ARL16: variants seen among roughly 807,000 people sequenced by gnomAD.
ARL16 encodes the protein ARF like GTPase 16.
In ARL16, 21 loss-of-function variants were observed where a neutral mutation model predicts 14.1. That is an observed-to-expected ratio of 1.48 (90% CI 1.05 to 2.14). ARL16 has a LOEUF of 2.14. ARL16 is among the 30% of genes most tolerant of loss of function. The pLI, the probability that ARL16 is intolerant of heterozygous loss-of-function variation, is 0.00. For missense variants in ARL16, 248 were observed against 222.0 expected (o/e 1.12, Z -0.74); for synonymous variants, 122 against 91.8 (o/e 1.33, Z -1.88).
Position 81,682,029 on chromosome 17 carries a change from C to A in ARL16, c.350+5G>T. ...TGTGCTCCCTCTCAGCTCAGGGACG[C>A]GTACATTTTATTGAAGAGTATCAGC... On this transcript the variant is annotated splice_donor_5th_base_variant and intron_variant, in intron 4 of 4. Transcript: ENST00000622299. The A allele has an allele frequency of 6.2e-7, 1 of 1,604,480 alleles. No individual in the cohort carries two copies. Among genetic ancestry groups the A allele is most frequent in the Non-Finnish European group, 8.5e-7 (1 of 1,174,678 alleles).
Position 81,682,635 on chromosome 17 carries a change from T to C in ARL16, c.234+378A>G, listed in dbSNP as rs2036871613. 4 of 232,382 alleles carry C rather than the reference T, an allele frequency of 1.7e-5. No individual in the cohort carries two copies. The Admixed American group carries it at 2.1e-4, about 12-fold the overall frequency. 14.4% of individuals were successfully genotyped at this position (232,382 alleles called of 1,614,324 possible). On this transcript the variant is annotated intron_variant, in intron 3 of 4. Coordinates refer to ENST00000622299, the MANE Select transcript of ARL16 (RefSeq NM_001040025.3). ...CTGGTGTCACTCGTCTCTGTCCTCATGTGGCCATCAGTTCTCCATACTGGT... is the reference window on the plus strand; with the variant it reads ...CTGGTGTCACTCGTCTCTGTCCTCACGTGGCCATCAGTTCTCCATACTGGT...
At chr17:81,683,619 C>G (rs368288274) in intron 1 of ARL16, 25 bp from the exon 2 acceptor site, 2 of 1,594,744 alleles carry the variant, frequency 1.3e-6, no homozygotes, top group Non-Finnish European at 1.7e-6. Flanking sequence ...AGGACCCGAG[C>G]AGCTAAAGGG....
At chr17:81,682,388 A>G in intron 3 of ARL16, 2 of 327,430 alleles carry the variant, frequency 6.1e-6, no homozygotes, top group Non-Finnish European at 1.1e-5. Flanking sequence ...GACTACAGAC[A>G]CCCGCCACCA....
intron 3 of ARL16, 74 bp downstream of exon 3, chr17:81,682,939 A>C (rs1186772657): frequency 6.8e-6 from 9 of 1,323,182 alleles, no homozygotes; most frequent in Non-Finnish European, 9.8e-6. Flanking sequence ...TACACACAGC[A>C]AGGTTGGGGA....
intron 2 of ARL16, 70 bp downstream of exon 2, chr17:81,683,466 G>A (rs948535865): frequency 4.8e-6 from 7 of 1,454,766 alleles, no homozygotes; most frequent in South Asian, 1.4e-5. Context: ...TGCACTTAGA[G>A]GAGCCCGGAG....
At chr17:81,681,933 G>C in intron 4 of ARL16, 54 bp from the exon 5 acceptor site, 1 of 1,574,260 alleles carries the variant, frequency 6.4e-7, no homozygotes, top group Non-Finnish European at 8.6e-7. Context: ...ACCTGCCCCG[G>C]ACCCCCAGCT....
Position 81,681,714 on chromosome 17 carries a change from G to A in ARL16, c.516C>T (p.Asn172=), listed in dbSNP as rs1284124154. 1 of 1,603,260 alleles carries A rather than the reference G, an allele frequency of 6.2e-7. No homozygotes were observed. Among genetic ancestry groups the A allele is most frequent in the South Asian group, 1.1e-5 (1 of 89,600 alleles). The change falls in exon 5 of 5, where the codon AAC becomes AAT. Residue 172 remains asparagine, a synonymous_variant. Transcript: ENST00000622299. Reference sequence around the variant, plus strand: ...CTGCGCCTCTGCCGTGCAGTCAATCGTTGGCTCTGTGGGTGGCCTGGAGCC... The same window carrying A: ...CTGCGCCTCTGCCGTGCAGTCAATCATTGGCTCTGTGGGTGGCCTGGAGCC... ...LAWLQATHRA[N]D is the part of the protein sequence containing the mutation.
At chr17:81,683,384 T>C in intron 2 of ARL16, 152 bp downstream of exon 2, 1 of 1,110,852 alleles carries the variant, frequency 9.0e-7, no homozygotes. Flanking sequence ...GCGCCAATTA[T>C]CCTCAGCTCG....
At chr17:81,682,707 A>G (rs1168847148) in intron 3 of ARL16, 2 of 399,502 alleles carry the variant, frequency 5.0e-6, no homozygotes, top group South Asian at 3.2e-5. Context: ...AGAGGTACGT[A>G]TAAGTCCAAC....
intron 3 of ARL16, 105 bp downstream of exon 3, chr17:81,682,908 T>C: frequency 9.7e-7 from 1 of 1,032,614 alleles, no homozygotes; most frequent in East Asian, 2.4e-5. Flanking sequence ...GTATAGTCAC[T>C]AAATAACCCA....
In ARL16 at chr17:81,683,755, C is replaced by G. The variant is rs746956311; in HGVS notation, c.-2G>C. On this transcript the variant is annotated 5_prime_UTR_variant, in exon 1 of 5. Transcript: ENST00000622299. Reference sequence around the variant, plus strand: ...CGTGGCCCCCAGCAGGAGACACATTCCGTGCTTCGCTCCACCCGGCACCCG... The same window carrying G: ...CGTGGCCCCCAGCAGGAGACACATTGCGTGCTTCGCTCCACCCGGCACCCG... 3.1e-6 allele frequency: 5 copies of G among 1,607,628 alleles called. No individual in the cohort carries two copies. The East Asian group carries it at 6.7e-5, about 22-fold the overall frequency.
rs371566122 is a variant in ARL16 at position 81,681,715 on chromosome 17, T to C, written c.515A>G (p.Asn172Ser). ...LAWLQATHRAND is the reference protein window; with the variant it reads ...LAWLQATHRASD Reference sequence around the variant, plus strand: ...TGCGCCTCTGCCGTGCAGTCAATCGTTGGCTCTGTGGGTGGCCTGGAGCCA... The same window carrying C: ...TGCGCCTCTGCCGTGCAGTCAATCGCTGGCTCTGTGGGTGGCCTGGAGCCA... Residue 172 changes from asparagine (N) to serine (S), a missense_variant, in exon 5 of 5, where the codon AAC becomes AGC. Asn to Ser is a conservative substitution (Grantham distance 46). Coordinates refer to ENST00000622299, the MANE Select transcript of ARL16 (RefSeq NM_001040025.3). 4 of 1,604,194 alleles carry C rather than the reference T, an allele frequency of 2.5e-6. No individual in the cohort carries two copies. The highest frequency in any genetic ancestry group is 1.9e-4 in the Middle Eastern group (1 of 5,360).
chr17:81,682,229 G>A (rs1174788968), intron 3 of ARL16, 80 bp from the exon 4 acceptor site: 6 of 963,888 alleles, frequency 6.2e-6, no homozygotes, highest in African/African-American at 1.7e-5. Flanking sequence ...GGCACTGGGA[G>A]AGCAAAACTG....
chr17:81,683,793 GCGGCT>G (rs1221651621), exon 1 of ARL16: 1 of 1,605,102 alleles, frequency 6.2e-7, no homozygotes, highest in Admixed American at 1.7e-5. Flanking sequence ...GCTCGGCGCC[GCGGCT>G]CAAGGCCCGC....
intron 4 of ARL16, 26 bp downstream of exon 4, chr17:81,682,008 C>G: frequency 6.3e-7 from 1 of 1,589,382 alleles, no homozygotes; most frequent in Non-Finnish European, 8.6e-7. Flanking sequence ...CCCCGCTGTG[C>G]TCCCTCTCAG....
chr17:81,682,211 A>G, intron 3 of ARL16, 62 bp from the exon 4 acceptor site: 1 of 1,284,720 alleles, frequency 7.8e-7, no homozygotes, highest in Non-Finnish European at 1.1e-6. Flanking sequence ...CCTGGGCCTC[A>G]CAGACCTGGC....
At position 81,682,156 on chromosome 17, in the gene ARL16, A is replaced by G. The variant is rs1271898933; in HGVS notation, c.235-7T>C. On this transcript the variant is annotated splice_region_variant and splice_polypyrimidine_tract_variant and intron_variant, in intron 3 of 4. Coordinates refer to ENST00000622299, the MANE Select transcript of ARL16 (RefSeq NM_001040025.3). ...CAGAGGCGTCCATCACAAACTGGGG[A>G]AAAAGAAAAAGACAGCAGCAATGCC... 3.8e-6 allele frequency: 6 copies of G among 1,587,904 alleles called. No homozygotes were observed. The highest frequency in any genetic ancestry group is 5.1e-6 in the Non-Finnish European group (6 of 1,166,532).
chr17:81,683,680 C>T lies in ARL16; in HGVS notation c.61+13G>A, dbSNP rs760836941. On this transcript the variant is annotated intron_variant, in intron 1 of 4. Coordinates refer to ENST00000622299, the MANE Select transcript of ARL16 (RefSeq NM_001040025.3). ...CCCCCGCGCCCCGGTCCCGTCCCCG[C>T]GCGGAAGGATATCCTGCAGCCGTTT... 1 of 1,598,366 alleles carries T rather than the reference C, an allele frequency of 6.3e-7. No individual in the cohort carries two copies. Among genetic ancestry groups the T allele is most frequent in the South Asian group, 1.1e-5 (1 of 89,494 alleles).
intron 3 of ARL16, chr17:81,682,746 C>CA: frequency 2.0e-6 from 1 of 500,790 alleles, no homozygotes; most frequent in South Asian, 2.6e-5. Context: ...GGGAGTGACA[C>CA]AGAGGGCCAA....
Sources: allele counts gnomAD v4.1 joint callset, GRCh38; gene constraint gnomAD v4.1.1; transcripts MANE v1.5; gene names NCBI Gene and HGNC (gene_info 2026-07-23, HGNC 2026-07-21).